Variants in MAP2 observed in about 807,000 individuals in gnomAD.
The protein encoded by MAP2 is microtubule-associated protein 2.
Under a neutral mutation model 137.6 loss-of-function variants are expected in MAP2, and 14 were observed. The observed-to-expected ratio is 0.10, with a 90% CI of 0.07 to 0.16. The LOEUF is 0.16. Ranked by LOEUF, MAP2 falls within the 10% of genes least tolerant of loss-of-function variation. The pLI is 1.00. For synonymous variants in MAP2, 786 were observed against 782.3 expected (o/e 1.00, Z -0.08); for missense variants, 2,088 against 2,191.5 (o/e 0.95, Z 0.94).
intron 4 of MAP2, among the ~76,000 whole-genome samples, 176 bp from the exon 5 acceptor site, chr2:209,652,966 T>C (rs528518296): frequency 1.3e-5 from 2 of 152,316 alleles, no homozygotes; most frequent in South Asian, 4.1e-4. Context: ...AAATGGTCTG[T>C]AAAACTCAAG....
chr2:209,626,157 C>T (rs2092284769), intron 4 of MAP2, among the ~76,000 whole-genome samples: 1 of 152,000 alleles, frequency 6.6e-6, no homozygotes, highest in Non-Finnish European at 1.5e-5. Flanking sequence ...GTGGCTCACA[C>T]CTGTAATCCC....
At chr2:209,607,760 T>G (rs1275747198) in intron 3 of MAP2, among the ~76,000 whole-genome samples, 1 of 152,222 alleles carries the variant, frequency 6.6e-6, no homozygotes, top group Non-Finnish European at 1.5e-5. Flanking sequence ...TGTGGCTGCC[T>G]ACCCCACTGG....
At chr2:209,672,130 A>T (rs1039742979) in intron 5 of MAP2, among the ~76,000 whole-genome samples, 4 of 151,982 alleles carry the variant, frequency 2.6e-5, no homozygotes, top group Non-Finnish European at 5.9e-5. Context: ...AATCAGCATT[A>T]GGGAAAAAAC....
At position 209,694,959 on chromosome 2, in the gene MAP2, G is replaced by A. The variant is rs1283241846; in HGVS notation, c.2789G>A (p.Ser930Asn). 1 of 1,614,188 alleles carries A rather than the reference G, an allele frequency of 6.2e-7. No individual in the cohort carries two copies. The highest frequency in any genetic ancestry group is 1.3e-5 in the African/African-American group (1 of 75,060). ...AAAGRVKDEFSVDKEASAHIS... is the reference protein window; with the variant it reads ...AAAGRVKDEFNVDKEASAHIS... ...GCCGGAAGAGTCAAAGATGAGTTCA[G>A]TGTTGACAAAGAAGCATCCGCGCAT... Residue 930 changes from serine to asparagine, a missense_variant, in exon 8 of 16, where the codon AGT becomes AAT. This residue lies in a region of MAP2 where 500 missense variants were observed against 482.9 expected (regional missense o/e 1.04). Transcript: ENST00000682079.
intron 13 of MAP2, 139 bp downstream of exon 13, chr2:209,710,393 T>G: frequency 2.8e-6 from 2 of 725,802 alleles, no homozygotes; most frequent in Non-Finnish European, 4.4e-6. Context: ...GAGTTTGGAC[T>G]TTACATTAGG....
intron 3 of MAP2, among the ~76,000 whole-genome samples, chr2:209,618,725 G>C (rs918059148): frequency 1.3e-5 from 2 of 152,020 alleles, no homozygotes; most frequent in African/African-American, 2.4e-5. Flanking sequence ...CAGTTTGGTG[G>C]TTCTTCAAAA....
intron 1 of MAP2, among the ~76,000 whole-genome samples, chr2:209,451,845 C>A (rs897507710): frequency 3.0e-4 from 45 of 152,100 alleles, no homozygotes; most frequent in Non-Finnish European, 1.5e-4. Flanking sequence ...CTTTAGGTGC[C>A]AGCTTTTCTC....
intron 3 of MAP2, among the ~76,000 whole-genome samples, chr2:209,591,515 G>A (rs2079243166): frequency 6.6e-6 from 1 of 151,922 alleles, no homozygotes; most frequent in Admixed American, 6.6e-5. Flanking sequence ...ACTTATCATA[G>A]AATAGGTATA....
rs148554063 is a variant in MAP2, at chr2:209,729,764, C to T, written c.5156-86C>T. The stretch of plus-strand genomic sequence containing the variant: ...TAAAGTTAATAAATTTGTGGTTTGC[C>T]GTAGTCTATCTACTGCAGTCATTTT... On this transcript the variant is annotated intron_variant, in intron 14 of 15. Coordinates refer to ENST00000682079, the MANE Select transcript of MAP2 (RefSeq NM_001375505.1). The T allele has an allele frequency of 8.3e-5, 66 of 792,882 alleles. No individual in the cohort carries two copies. The African/African-American group carries it at 9.2e-4, about 11-fold the overall frequency. The allele number at this position is 792,882 out of a possible 1,614,324, so 49.1% of individuals were successfully genotyped here. A position where few individuals can be genotyped will look rare whatever the true frequency, so the allele number is the denominator to read the frequency against.
chr2:209,695,406 C>A lies in MAP2; in HGVS notation c.3236C>A (p.Thr1079Asn), dbSNP rs771807994. 20 of 1,612,704 alleles carry A rather than the reference C, an allele frequency of 1.2e-5. No individual in the cohort carries two copies. In the South Asian group the frequency reaches 2.0e-4, roughly 16 times the overall value. ...ELKLEATQDMTPSSKAPQEAD... is the reference protein window; with the variant it reads ...ELKLEATQDMNPSSKAPQEAD... ...AAACTTGAGGCTACACAGGACATGA[C>A]CCCCTCATCCAAAGCACCGCAGGAG... The change falls in exon 8 of 16, where the codon ACC (threonine) becomes AAC (asparagine). Residue 1079 changes from threonine (T) to asparagine (N), a missense_variant. By Grantham distance (65) the Thr-to-Asn change is moderately conservative. Around this residue, in one of 6 missense-constraint regions of MAP2, gnomAD observed 500 missense variants for 482.9 expected, o/e 1.04. Transcript: ENST00000682079.
intron 1 of MAP2, among the ~76,000 whole-genome samples, chr2:209,443,676 CAA>C (rs1162289044): frequency 1.3e-5 from 2 of 151,554 alleles, no homozygotes; most frequent in African/African-American, 4.8e-5. Flanking sequence ...GTTTATTTCC[CAA>C]AGTTTTGTGA....
intron 1 of MAP2, among the ~76,000 whole-genome samples, chr2:209,432,983 G>C (rs576410991): frequency 6.6e-6 from 1 of 152,212 alleles, no homozygotes; most frequent in South Asian, 2.1e-4. Context: ...CACTGTCTCT[G>C]TCTCTTCTAC....
chr2:209,492,067 C>T (rs11677771), intron 1 of MAP2, among the ~76,000 whole-genome samples: 28,608 of 152,164 alleles, frequency 0.19, 3,251 homozygotes, highest in Non-Finnish European at 0.26. Context: ...CAAACCAAAT[C>T]CAGCAGCACA....
At chr2:209,710,948 T>C (rs2065230487) in intron 13 of MAP2, 1 of 152,382 alleles carries the variant, frequency 6.6e-6, no homozygotes, top group Admixed American at 6.5e-5. Context: ...TTTTGAGTTC[T>C]GTCTTGACCT....
At chr2:209,650,360 A>T (rs1276621477) in intron 4 of MAP2, among the ~76,000 whole-genome samples, 1 of 152,220 alleles carries the variant, frequency 6.6e-6, no homozygotes, top group Non-Finnish European at 1.5e-5. Context: ...GCGTATCAAA[A>T]GCTTTCAGAA....
chr2:209,621,153 C>CCATT (rs1337778925), intron 3 of MAP2, among the ~76,000 whole-genome samples: 1 of 151,122 alleles, frequency 6.6e-6, no homozygotes, highest in East Asian at 2.0e-4. Context: ...CGAGATCACG[C>CCATT]CATTGCACTC....
intron 1 of MAP2, among the ~76,000 whole-genome samples, chr2:209,456,832 A>G (rs1395167190): frequency 1.3e-5 from 2 of 152,226 alleles, no homozygotes; most frequent in East Asian, 3.8e-4. Context: ...TGCAAACTCC[A>G]TGTAAATCAC....
intron 4 of MAP2, among the ~76,000 whole-genome samples, chr2:209,648,800 A>AAAAG (rs1348547848): frequency 1.4e-5 from 2 of 143,164 alleles, no homozygotes; most frequent in East Asian, 4.1e-4. Context: ...AAAAAAAAAA[A>AAAAG]AAAGAAAGAA....
At chr2:209,670,556 C>T (rs992014125) in intron 5 of MAP2, among the ~76,000 whole-genome samples, 1 of 151,882 alleles carries the variant, frequency 6.6e-6, no homozygotes, top group Non-Finnish European at 1.5e-5. Context: ...ACATTTTCCT[C>T]CTTGACCAAA....
Sources: gnomAD v4.1 joint callset for allele counts (sites outside exome capture counted in the v4.1 genomes callset) on GRCh38, gnomAD v4.1.1 for gene constraint, gnomAD v4.1.1 regional missense constraint, MANE v1.5 for transcripts, NCBI Gene and HGNC (gene_info 2026-07-23, HGNC 2026-07-21) for gene names.